MAP3K7: variants seen among roughly 807,000 people sequenced by gnomAD.
The protein encoded by MAP3K7 is TGF-beta activated kinase 1.
A neutral mutation model predicts 84.8 loss-of-function variants in MAP3K7; 21 were observed. The ratio of observed to expected loss-of-function variants is 0.25; its 90% confidence interval spans 0.18 to 0.36. The LOEUF (loss-of-function observed/expected upper bound fraction) is 0.36. Among genes scored for constraint, MAP3K7 ranks in the 10% least tolerant of loss-of-function variants. MAP3K7 has a pLI of 1.00. For missense variants in MAP3K7, 503 were observed against 747.7 expected, an observed-to-expected ratio of 0.67 and a Z score of 3.82; for synonymous variants, 241 against 247.7, an observed-to-expected ratio of 0.97 and a Z score of 0.25.
At chr6:90,520,047 T>C (rs1029201820) in intron 14 of MAP3K7, among the ~76,000 whole-genome samples, 1 of 152,046 alleles carries the variant, frequency 6.6e-6, no homozygotes, top group African/African-American at 2.4e-5. Flanking sequence ...GAGGTAAAAC[T>C]GCCATACAAC....
At chr6:90,535,968 C>A (rs1775657983) in intron 13 of MAP3K7, among the ~76,000 whole-genome samples, 1 of 152,102 alleles carries the variant, frequency 6.6e-6, no homozygotes, top group Non-Finnish European at 1.5e-5. Flanking sequence ...ATGTTTACTA[C>A]CCTTATTAGT....
At chr6:90,528,924 C>A (rs1775408081) in intron 13 of MAP3K7, among the ~76,000 whole-genome samples, 1 of 152,188 alleles carries the variant, frequency 6.6e-6, no homozygotes. Flanking sequence ...CAATTTTTAA[C>A]TCCATATAAG....
At position 90,516,564 on chromosome 6, in the gene MAP3K7, C is replaced by G. The variant is rs1582152078; in HGVS notation, c.1758G>C (p.Gln586His). The G allele has an allele frequency of 1.2e-6, 2 of 1,612,616 alleles. No individual in the cohort carries two copies. The highest frequency in any genetic ancestry group is 2.2e-5 in the East Asian group (1 of 44,838). The change falls in exon 17 of 17, where the codon CAG becomes CAC. Residue 586 changes from glutamine (Q) to histidine (H), a missense_variant. Physicochemically the swap from Gln to His is conservative, Grantham distance 24. Coordinates refer to ENST00000369329, the MANE Select transcript of MAP3K7 (RefSeq NM_145331.3). ...TGACCTCTAGTTGTTTTTTGCATTG[C>G]TGGTAGTAAGTAGAAAGGCTTTTGT... ...DENKSLSTYY[Q>H]QCKKQLEVIR...
chr6:90,559,469 ATATGTTT>A (rs1776439788), intron 5 of MAP3K7, among the ~76,000 whole-genome samples: 1 of 152,184 alleles, frequency 6.6e-6, no homozygotes, highest in Non-Finnish European at 1.5e-5. Context: ...AAAGGAAACA[ATATGTTT>A]TATGTGTATG....
chr6:90,517,100 CAG>C lies in MAP3K7; in HGVS notation c.1641-421_1641-420del, dbSNP rs538703759. ...AAGTCACAATCCTACTTAACTATAG[CAG>C]AGAGTGGTAAGCTAATAGCAAATTT... On this transcript the variant is annotated intron_variant, in intron 16 of 16. Coordinates refer to ENST00000369329, the MANE Select transcript of MAP3K7 (RefSeq NM_145331.3). 1.5e-4 allele frequency among the ~76,000 whole-genome samples: 23 copies of C among 151,914 alleles called. No homozygotes were observed. The South Asian group carries it at 4.6e-3, about 30-fold the overall frequency.
chr6:90,552,249 G>A (rs142761539), intron 7 of MAP3K7, 70 bp from the exon 8 acceptor site: 7 of 1,373,360 alleles, frequency 5.1e-6, no homozygotes, highest in East Asian at 4.7e-5. Flanking sequence ...CTCTTTGTAC[G>A]TATTTCCAAA....
At chr6:90,561,105 A>C (rs917746549) in intron 4 of MAP3K7, among the ~76,000 whole-genome samples, 3 of 152,208 alleles carry the variant, frequency 2.0e-5, no homozygotes, top group African/African-American at 7.2e-5. Flanking sequence ...TGGTGCTACA[A>C]GAGACAATAC....
chr6:90,556,573 T>C lies in MAP3K7; in HGVS notation c.534A>G (p.Thr178=). Residue 178 remains threonine (T), a synonymous_variant, in exon 6 of 17, where the codon ACA becomes ACG. Coordinates refer to ENST00000369329, the MANE Select transcript of MAP3K7 (RefSeq NM_145331.3). ...TCATGTGTGTCTGAATGTCACAGGC[T>C]GTACCAAAATCACAAATTTTTAGAA... ...GTVLKICDFG[T]ACDIQTHMTN... is the part of the protein sequence containing the mutation. 1 of 1,613,342 alleles carries C rather than the reference T, an allele frequency of 6.2e-7. No individual in the cohort carries two copies. Among genetic ancestry groups the C allele is most frequent in the East Asian group, 2.2e-5 (1 of 44,814 alleles).
chr6:90,534,582 G>A lies in MAP3K7; in HGVS notation c.1356+1755C>T, dbSNP rs530074160. 1.4e-4 allele frequency among the ~76,000 whole-genome samples: 22 copies of A among 152,184 alleles called. No homozygotes were observed. In the East Asian group the frequency reaches 3.5e-3, roughly 24 times the overall value. Reference sequence around the variant, plus strand: ...AAATGACTGTCCCACACCCATAGTTGGCCTCAGTTCCAGCGTTTTACTACC... The same window carrying A: ...AAATGACTGTCCCACACCCATAGTTAGCCTCAGTTCCAGCGTTTTACTACC... On this transcript the variant is annotated intron_variant, in intron 13 of 16. Coordinates refer to ENST00000369329, the MANE Select transcript of MAP3K7 (RefSeq NM_145331.3).
chr6:90,545,578 CACTACAGTGAG>C (rs1276036423), intron 11 of MAP3K7, among the ~76,000 whole-genome samples: 1 of 152,104 alleles, frequency 6.6e-6, no homozygotes, highest in African/African-American at 2.4e-5. Context: ...GTTCATCTGA[CACTACAGTGAG>C]ACAACCCTGC....
Position 90,544,162 on chromosome 6 carries a change from G to A in MAP3K7, c.1291+390C>T, listed in dbSNP as rs181721318. ...AGAAAGTCTAGAGGGGACCCAAAAA[G>A]CAGTAACTGAGGAAGGAAAGGAGCC... On this transcript the variant is annotated intron_variant, in intron 12 of 16. Coordinates refer to ENST00000369329, the MANE Select transcript of MAP3K7 (RefSeq NM_145331.3). Among the ~76,000 whole-genome samples, 26 of 152,186 alleles carry A rather than the reference G, an allele frequency of 1.7e-4. No homozygotes were observed. The East Asian group carries it at 4.6e-3, about 27-fold the overall frequency.
At position 90,557,155 on chromosome 6, in the gene MAP3K7, C is replaced by G. The variant is rs182428031; in HGVS notation, c.483-531G>C. On this transcript the variant is annotated intron_variant, in intron 5 of 16. Transcript: ENST00000369329. The stretch of plus-strand genomic sequence containing the variant: ...AGACTATGAATGTGTGGGAGGAATA[C>G]AAATCTATTATAGCTAAAATGACCT... Among the ~76,000 whole-genome samples, 4 of 152,238 alleles carry G rather than the reference C, an allele frequency of 2.6e-5. No individual in the cohort carries two copies. In the East Asian group the frequency reaches 7.7e-4, roughly 29 times the overall value.
At chr6:90,517,930 G>C (rs141983682) in intron 16 of MAP3K7, among the ~76,000 whole-genome samples, 81 of 151,800 alleles carry the variant, frequency 5.3e-4, no homozygotes, top group African/African-American at 2.0e-3. Context: ...TAAGAAAACT[G>C]AAGATACATA....
intron 16 of MAP3K7, among the ~76,000 whole-genome samples, chr6:90,516,931 TAA>T (rs1288094068): frequency 6.6e-6 from 1 of 151,918 alleles, no homozygotes; most frequent in African/African-American, 2.4e-5. Context: ...AATGGTAAAA[TAA>T]AAGTTTCAGA....
intron 13 of MAP3K7, among the ~76,000 whole-genome samples, chr6:90,529,517 G>C (rs939768207): frequency 6.6e-6 from 1 of 152,128 alleles, no homozygotes; most frequent in African/African-American, 2.4e-5. Flanking sequence ...AAGAAGTTGG[G>C]TGTTGGAGAC....
At chr6:90,586,736 C>A in intron 1 of MAP3K7, 28 bp downstream of exon 1, 9 of 1,557,312 alleles carry the variant, frequency 5.8e-6, no homozygotes, top group Non-Finnish European at 7.0e-6. Flanking sequence ...AGGCCGGGAC[C>A]GGCGTCTCCA....
At chr6:90,542,988 G>A (rs1207756035) in intron 12 of MAP3K7, among the ~76,000 whole-genome samples, 1 of 151,962 alleles carries the variant, frequency 6.6e-6, no homozygotes. Flanking sequence ...GGGCTACGCT[G>A]CCATATATAA....
chr6:90,518,511 G>T lies in MAP3K7; in HGVS notation c.1576C>A (p.His526Asn). The stretch of plus-strand genomic sequence containing the variant: ...ATATATTCTTGTGCCATTTTACAAT[G>T]CTGTTCAAACACTGCCATAGATTCT... Reference protein sequence around the residue: ...SKESMAVFEQHCKMAQEYMKV... With the variant: ...SKESMAVFEQNCKMAQEYMKV... Residue 526 changes from histidine to asparagine, a missense_variant, in exon 16 of 17, where the codon CAT becomes AAT. By Grantham distance (68) the His-to-Asn change is moderately conservative. This residue lies in a region of MAP3K7 where 36 missense variants were observed against 74.5 expected (regional missense o/e 0.48). Coordinates refer to ENST00000369329, the MANE Select transcript of MAP3K7 (RefSeq NM_145331.3). 4 of 1,609,256 alleles carry T rather than the reference G, an allele frequency of 2.5e-6. No homozygotes were observed. The highest frequency in any genetic ancestry group is 3.4e-6 in the Non-Finnish European group (4 of 1,177,104).
chr6:90,520,680 C>A (rs1562076361), intron 14 of MAP3K7, among the ~76,000 whole-genome samples: 1 of 143,652 alleles, frequency 7.0e-6, no homozygotes, highest in Non-Finnish European at 1.6e-5. Context: ...AGGCACTTAC[C>A]CTTACCCTTA....
Sources: gnomAD v4.1 joint callset for allele counts (sites outside exome capture counted in the v4.1 genomes callset) on GRCh38, gnomAD v4.1.1 for gene constraint, gnomAD v4.1.1 regional missense constraint, MANE v1.5 for transcripts, NCBI Gene and HGNC (gene_info 2026-07-23, HGNC 2026-07-21) for gene names.